ZNF77: variants seen among roughly 807,000 people sequenced by gnomAD.
The protein encoded by ZNF77 is ZNFpT1.
A neutral mutation model predicts 13.5 loss-of-function variants in ZNF77; 15 were observed. The observed-to-expected ratio is 1.11, with a 90% CI of 0.74 to 1.71. ZNF77 has a LOEUF of 1.71. ZNF77 is among the 40% of genes most tolerant of loss of function. ZNF77 has a pLI of 0.00. For missense variants in ZNF77, 717 were observed against 676.4 expected, an observed-to-expected ratio of 1.06 and a Z score of -0.67; for synonymous variants, 282 against 250.0, an observed-to-expected ratio of 1.13 and a Z score of -1.21.
intron 1 of ZNF77, among the ~76,000 whole-genome samples, chr19:2,940,517 A>G (rs1417359581): frequency 6.6e-6 from 1 of 151,998 alleles, no homozygotes; most frequent in Non-Finnish European, 1.5e-5. Context: ...TACTAAAAAT[A>G]CAAAAATTAG....
At position 2,934,758 on chromosome 19, in the gene ZNF77, C is replaced by G; in HGVS notation, c.369G>C (p.Leu123Phe). 6.2e-7 allele frequency: 1 copy of G among 1,614,104 alleles called. No homozygotes were observed. Among genetic ancestry groups the G allele is most frequent in the Non-Finnish European group, 8.5e-7 (1 of 1,179,986 alleles). ...GCACAAGAAGGTTCGCAGTCTGGCT[C>G]AAGGTCTCTCCGCATTGATGACCTT... ...SNEGHQCGET[L>F]SQTANLLVHK... Residue 123 changes from leucine (L) to phenylalanine (F), a missense_variant, in exon 4 of 4, where the codon TTG (leucine) becomes TTC (phenylalanine). Leu to Phe is a conservative substitution (Grantham distance 22). Coordinates refer to ENST00000314531, the MANE Select transcript of ZNF77 (RefSeq NM_021217.3).
intron 2 of ZNF77, among the ~76,000 whole-genome samples, chr19:2,937,920 C>T (rs931445261): frequency 6.6e-6 from 1 of 152,106 alleles, no homozygotes; most frequent in Non-Finnish European, 1.5e-5. Context: ...CCACGCCCGA[C>T]TACTTTTTAT....
chr19:2,939,043 G>A (rs560513523), intron 2 of ZNF77, among the ~76,000 whole-genome samples: 2 of 103,546 alleles, frequency 1.9e-5, no homozygotes, highest in Non-Finnish European at 4.7e-5. Flanking sequence ...TACCCAAGGA[G>A]GCAGTGAGGG....
chr19:2,938,201 G>A (rs1340659729), intron 2 of ZNF77, among the ~76,000 whole-genome samples: 1 of 152,202 alleles, frequency 6.6e-6, no homozygotes, highest in Non-Finnish European at 1.5e-5. Context: ...CTGCCCTCAG[G>A]TGTGAGCACC....
At chr19:2,936,337 T>C (rs7254441) in intron 3 of ZNF77, among the ~76,000 whole-genome samples, 187 bp downstream of exon 3, 140,066 of 152,172 alleles carry the variant, frequency 0.92, 64,999 homozygotes, top group Middle Eastern at 0.96. Flanking sequence ...TTAGTAGAGA[T>C]GGGGTTTCTC....
Position 2,934,265 on chromosome 19 carries a change from T to C in ZNF77, c.862A>G (p.Arg288Gly), listed in dbSNP as rs780516253. ...TACGGTTTCTCTCCAGTGTGTGTTC[T>C]GACATGTTCTCGAAAGTATGAGGGA... ...SCPSYFREHVRTHTGEKPYEC... is the reference protein window; with the variant it reads ...SCPSYFREHVGTHTGEKPYEC... The change falls in exon 4 of 4, where the codon AGA becomes GGA. Residue 288 changes from arginine (R) to glycine (G), a missense_variant. Transcript: ENST00000314531. 20 of 1,613,398 alleles carry C rather than the reference T, an allele frequency of 1.2e-5. No homozygotes were observed. Among genetic ancestry groups the C allele is most frequent in the Non-Finnish European group, 1.5e-5 (18 of 1,179,508 alleles).
At chr19:2,935,924 G>A (rs1445555427) in intron 3 of ZNF77, among the ~76,000 whole-genome samples, 1 of 151,978 alleles carries the variant, frequency 6.6e-6, no homozygotes, top group Non-Finnish European at 1.5e-5. Context: ...GATGAGGTGG[G>A]AGGATTGCTT....
In ZNF77 at chr19:2,941,468, C is replaced by A. The variant is rs2088447982; in HGVS notation, c.4-2061G>T. On this transcript the variant is annotated intron_variant, in intron 1 of 3. Transcript: ENST00000314531. ...CTCTAGCCTGGGTGACAGAGTGAGACTGTCTCAAAAAAAAAATAAAAATAA... is the reference window on the plus strand; with the variant it reads ...CTCTAGCCTGGGTGACAGAGTGAGAATGTCTCAAAAAAAAAATAAAAATAA... 2.0e-5 allele frequency among the ~76,000 whole-genome samples: 3 copies of A among 151,780 alleles called. No individual in the cohort carries two copies. In the South Asian group the frequency reaches 6.2e-4, roughly 32 times the overall value.
chr19:2,936,650 C>G lies in ZNF77; in HGVS notation c.185G>C (p.Gly62Ala), dbSNP rs201889891. The G allele has an allele frequency of 2.7e-4, 427 of 1,609,618 alleles. 1 individual carries two copies. The highest frequency in any genetic ancestry group is 3.1e-4 in the Non-Finnish European group (367 of 1,178,844). ...CTCTTCATCATTGGATATTCCATTC[C>G]CAAAAACGTCCCTCTGAGAACTTGA... ...SGSSSQRDVFGNGISNDEEIV... is the reference protein window; with the variant it reads ...SGSSSQRDVFANGISNDEEIV... Residue 62 changes from glycine (G) to alanine (A), a missense_variant, in exon 3 of 4, where the codon GGG becomes GCG. Physicochemically the swap from Gly to Ala is moderately conservative, Grantham distance 60. Transcript: ENST00000314531.
chr19:2,936,211 G>C (rs553354462), intron 3 of ZNF77, among the ~76,000 whole-genome samples: 5 of 151,616 alleles, frequency 3.3e-5, no homozygotes, highest in African/African-American at 1.2e-4. Context: ...GCAATGGTGC[G>C]ATCTCAGCTC....
chr19:2,934,183 A>C lies in ZNF77; in HGVS notation c.944T>G (p.Val315Gly), dbSNP rs1485029204. ...GGGTTTCTCTCCAGTGTGCGTCCTCACGTGATCTCTAAAGGAGGAGTAACA... is the reference window on the plus strand; with the variant it reads ...GGGTTTCTCTCCAGTGTGCGTCCTCCCGTGATCTCTAAAGGAGGAGTAACA... The part of the protein sequence containing the change: ...FSCYSSFRDH[V>G]RTHTGEKPCQ... Residue 315 changes from valine to glycine, a missense_variant, in exon 4 of 4, where the codon GTG becomes GGG. Physicochemically the swap from Val to Gly is moderately radical, Grantham distance 109. Transcript: ENST00000314531. The C allele has an allele frequency of 6.2e-7, 1 of 1,614,166 alleles. No homozygotes were observed. The highest frequency in any genetic ancestry group is 8.5e-7 in the Non-Finnish European group (1 of 1,180,010).
rs142541120 is a variant in ZNF77 at position 2,941,174 on chromosome 19, C to CAAAAAA, written c.4-1773_4-1768dup. Among the ~76,000 whole-genome samples, 5 of 61,560 alleles carry CAAAAAA rather than the reference C, an allele frequency of 8.1e-5. 1 individual carries two copies. The highest frequency in any genetic ancestry group is 4.5e-4 in the East Asian group (1 of 2,202). 40.4% of individuals were successfully genotyped at this position (61,560 alleles called of 152,430 possible). On this transcript the variant is annotated intron_variant, in intron 1 of 3. Coordinates refer to ENST00000314531, the MANE Select transcript of ZNF77 (RefSeq NM_021217.3). ...TGGGTGACAGAGAGACGCCCTACCT[C>CAAAAAA]AAAAAAAAAAAAAAAAAAAAAGGCT...
chr19:2,944,881 G>C lies in ZNF77; in HGVS notation c.-41C>G. The C allele has an allele frequency of 1.3e-6, 2 of 1,522,546 alleles. No individual in the cohort carries two copies. The highest frequency in any genetic ancestry group is 1.8e-6 in the Non-Finnish European group (2 of 1,141,106). 94.3% of individuals were successfully genotyped at this position (1,522,546 alleles called of 1,614,324 possible). On this transcript the variant is annotated 5_prime_UTR_variant, in exon 1 of 4. Transcript: ENST00000314531. ...GGGCTCTCCAGGGTTAGCGCCCCGC[G>C]GTCCAGCGACCGGCGCAGGTGAGCA...
chr19:2,934,665 C>T lies in ZNF77; in HGVS notation c.462G>A (p.Arg154=), dbSNP rs764400888. Residue 154 remains arginine (R), a synonymous_variant, in exon 4 of 4, where the codon CGG becomes CGA. Coordinates refer to ENST00000314531, the MANE Select transcript of ZNF77 (RefSeq NM_021217.3). ...GTCTCTGTCCAGTGTGAGATCTCTG[C>T]CGATTCTCGAAGGCTTTGCCACACT... ...CTKCGKAFEN[R]QRSHTGQRPC... The T allele has an allele frequency of 6.2e-7, 1 of 1,614,078 alleles. No homozygotes were observed. The highest frequency in any genetic ancestry group is 1.1e-5 in the South Asian group (1 of 91,070).
Position 2,934,572 on chromosome 19 carries a change from A to G in ZNF77, c.555T>C (p.Thr185=), listed in dbSNP as rs997888454. The G allele has an allele frequency of 6.2e-7, 1 of 1,614,026 alleles. No individual in the cohort carries two copies. The highest frequency in any genetic ancestry group is 1.3e-5 in the African/African-American group (1 of 74,934). The change falls in exon 4 of 4, where the codon ACT becomes ACC. Residue 185 remains threonine (T), a synonymous_variant. Transcript: ENST00000314531. ...CCTGGCAATTACAGGGTTTCTCTAC[A>G]GTCTGCGTTTTCATAGGAGGGCTTT... ...SCQSPPMKTQ[T]VEKPCNCQDS... is the part of the protein sequence containing the mutation.
intron 1 of ZNF77, 108 bp from the exon 2 acceptor site, chr19:2,939,515 G>T: frequency 1.3e-6 from 2 of 1,508,844 alleles, no homozygotes; most frequent in Non-Finnish European, 1.8e-6. Context: ...CAGAGCTTAT[G>T]TCCTTGTGAG....
intron 1 of ZNF77, among the ~76,000 whole-genome samples, chr19:2,942,925 C>T (rs773589093): frequency 2.2e-4 from 33 of 152,114 alleles, no homozygotes; most frequent in Admixed American, 4.6e-4. Flanking sequence ...GGATTACAGG[C>T]ACACACTACC....
chr19:2,939,454 C>A (rs765359850), intron 1 of ZNF77, 47 bp from the exon 2 acceptor site: 3 of 1,604,690 alleles, frequency 1.9e-6, no homozygotes, highest in Non-Finnish European at 2.6e-6. Context: ...CCGCCTCCCC[C>A]ATGTGCGCAG....
intron 1 of ZNF77, among the ~76,000 whole-genome samples, chr19:2,940,240 T>C (rs959891422): frequency 2.0e-5 from 3 of 151,992 alleles, no homozygotes; most frequent in Non-Finnish European, 4.4e-5. Flanking sequence ...ATTTAGGATA[T>C]TGGCCAGGTG....
Sources: allele counts gnomAD v4.1 joint callset (sites outside exome capture counted in the v4.1 genomes callset), GRCh38; gene constraint gnomAD v4.1.1; transcripts MANE v1.5; gene names NCBI Gene and HGNC (gene_info 2026-07-23, HGNC 2026-07-21).